N4BP1: variants seen among roughly 807,000 people sequenced by gnomAD.
The protein encoded by N4BP1 is NEDD4-binding protein 1.
A neutral mutation model predicts 70.9 loss-of-function variants in N4BP1; 21 were observed. That is an observed-to-expected ratio of 0.30 (90% CI 0.21 to 0.43). The LOEUF is 0.43. Ranked by LOEUF, N4BP1 falls within the 20% of genes least tolerant of loss-of-function variation. The probability of loss-of-function intolerance (pLI) is 1.00; values close to 1 mark genes in which losing one functional copy is unlikely to be tolerated. For missense variants in N4BP1, 936 were observed against 1,069.4 expected (o/e 0.88, Z 1.74); for synonymous variants, 387 against 394.6 (o/e 0.98, Z 0.23).
rs560718571 is a variant in N4BP1, at chr16:48,540,650, G to C, written c.*2254C>G. The stretch of plus-strand genomic sequence containing the variant: ...AACAGACATCCTCCCTGTTGAATGA[G>C]AGTGACATCTCTGCCCTGCCACCTA... On this transcript the variant is annotated 3_prime_UTR_variant, in exon 7 of 7. Coordinates refer to ENST00000262384, the MANE Select transcript of N4BP1 (RefSeq NM_153029.4). The C allele has an allele frequency of 6.6e-6, 1 of 152,380 alleles. No individual in the cohort carries two copies. Among genetic ancestry groups the C allele is most frequent in the East Asian group, 1.9e-4 (1 of 5,182 alleles). The allele number at this position is 152,380 out of a possible 1,614,324, so 9.4% of individuals were successfully genotyped here.
intron 2 of N4BP1, among the ~76,000 whole-genome samples, chr16:48,557,008 T>G (rs1466019273): frequency 1.1e-4 from 16 of 152,110 alleles, no homozygotes; most frequent in Non-Finnish European, 4.4e-5. Flanking sequence ...CAATTTCCAC[T>G]TACTCATCAT....
intron 2 of N4BP1, 129 bp from the exon 3 acceptor site, chr16:48,553,798 A>G: frequency 1.2e-6 from 1 of 834,622 alleles, no homozygotes; most frequent in South Asian, 2.5e-5. Context: ...ATATTCTTAC[A>G]TTTTTGGCAT....
At chr16:48,599,836 A>G (rs925505042) in intron 1 of N4BP1, among the ~76,000 whole-genome samples, 2 of 152,218 alleles carry the variant, frequency 1.3e-5, no homozygotes, top group East Asian at 3.9e-4. Context: ...TCCTTCTTAA[A>G]GGCCTGATGG....
At chr16:48,585,208 C>T (rs904354380) in intron 1 of N4BP1, among the ~76,000 whole-genome samples, 6 of 152,110 alleles carry the variant, frequency 3.9e-5, no homozygotes, top group Non-Finnish European at 8.8e-5. Context: ...GCTAGGATTA[C>T]AGGCGTGAGT....
At chr16:48,553,470 A>G (rs1021426048) in intron 3 of N4BP1, 69 bp downstream of exon 3, 6 of 1,441,186 alleles carry the variant, frequency 4.2e-6, no homozygotes, top group Middle Eastern at 1.8e-4. Context: ...TCTAAATAGC[A>G]TGTGTTGCAA....
intron 2 of N4BP1, among the ~76,000 whole-genome samples, chr16:48,558,888 T>C (rs1479323357): frequency 6.6e-6 from 1 of 152,266 alleles, no homozygotes; most frequent in East Asian, 1.9e-4. Flanking sequence ...AAGATAAGCA[T>C]ATTGCATATT....
At chr16:48,581,773 C>T (rs1597105381) in intron 1 of N4BP1, among the ~76,000 whole-genome samples, 1 of 152,082 alleles carries the variant, frequency 6.6e-6, no homozygotes, top group Non-Finnish European at 1.5e-5. Flanking sequence ...GATATTAGAT[C>T]CTTATCTCGC....
intron 1 of N4BP1, among the ~76,000 whole-genome samples, chr16:48,601,610 C>T (rs1964500634): frequency 6.6e-6 from 1 of 152,130 alleles, no homozygotes. Context: ...ATTCCTACAG[C>T]TCTTATTTAT....
chr16:48,566,310 GT>G (rs1254348517), intron 1 of N4BP1, among the ~76,000 whole-genome samples: 3 of 152,122 alleles, frequency 2.0e-5, no homozygotes, highest in Non-Finnish European at 2.9e-5. Context: ...CTCCCAAAGT[GT>G]TGGGATTTCA....
intron 1 of N4BP1, among the ~76,000 whole-genome samples, chr16:48,598,847 A>G (rs11076573): frequency 0.43 from 65,091 of 151,838 alleles, 15,612 homozygotes; most frequent in African/African-American, 0.65. Flanking sequence ...ATCCATTGGC[A>G]AAGAAAGCCC....
chr16:48,571,796 G>C (rs1964024350), intron 1 of N4BP1, among the ~76,000 whole-genome samples: 1 of 152,124 alleles, frequency 6.6e-6, no homozygotes, highest in South Asian at 2.1e-4. Flanking sequence ...GAAAAATAAG[G>C]AAAGAGGCCT....
At chr16:48,583,422 T>C (rs1964201039) in intron 1 of N4BP1, among the ~76,000 whole-genome samples, 1 of 152,184 alleles carries the variant, frequency 6.6e-6, no homozygotes, top group African/African-American at 2.4e-5. Flanking sequence ...ATTCTGGAGA[T>C]GTTGGTCAAA....
rs79762547 is a variant in N4BP1, at chr16:48,605,290, A to G, written c.198+4485T>C. Among the ~76,000 whole-genome samples the G allele has an allele frequency of 4.4e-3, 664 of 152,208 alleles. 3 individuals carry two copies. The highest frequency in any genetic ancestry group is 0.015 in the African/African-American group (632 of 41,532). On this transcript the variant is annotated intron_variant, in intron 1 of 6. Transcript: ENST00000262384. ...AGGTGATCAGACCACTCGGCATCCC[A>G]AAGTGTTGGGATTACACAGGCGTGA...
chr16:48,580,791 CT>C (rs1964164885), intron 1 of N4BP1, among the ~76,000 whole-genome samples: 1 of 152,126 alleles, frequency 6.6e-6, no homozygotes. Flanking sequence ...CATGTACAGA[CT>C]TTTTTCCTGT....
In N4BP1 at chr16:48,551,413, C is replaced by G; in HGVS notation, c.2090G>C (p.Gly697Ala). ...GTCATCATGAGAAGCAATTCTTTCT[C>G]CAAAGACCATCCGGGCAGGAGTTAA... ...LSLTPARMVF[G>A]ERIASHDDRF... is the part of the protein sequence containing the mutation. The change falls in exon 4 of 7, where the codon GGA becomes GCA. Residue 697 changes from glycine (G) to alanine (A), a missense_variant. By Grantham distance (60) the Gly-to-Ala change is moderately conservative. Transcript: ENST00000262384. The G allele has an allele frequency of 6.2e-7, 1 of 1,613,504 alleles. No individual in the cohort carries two copies. Among genetic ancestry groups the G allele is most frequent in the South Asian group, 1.1e-5 (1 of 91,066 alleles).
chr16:48,605,157 T>C (rs1964559564), intron 1 of N4BP1, among the ~76,000 whole-genome samples: 2 of 152,074 alleles, frequency 1.3e-5, no homozygotes, highest in South Asian at 4.1e-4. Flanking sequence ...CTCAGCCTCC[T>C]GAGTAGCTGG....
rs1429277977 is a variant in N4BP1 at position 48,561,217 on chromosome 16, C to T, written c.1426G>A (p.Gly476Ser). 6 of 1,613,810 alleles carry T rather than the reference C, an allele frequency of 3.7e-6. No individual in the cohort carries two copies. The highest frequency in any genetic ancestry group is 5.1e-6 in the Non-Finnish European group (6 of 1,179,874). The change falls in exon 2 of 7, where the codon GGT becomes AGT. Residue 476 changes from glycine (G) to serine (S), a missense_variant. Transcript: ENST00000262384. ...TTACAAATGTAGTTCTGGTTTGAAC[C>T]CCAGACTTCATGTTTCTGTTCTATT... ...VPIEQKHEVW[G>S]SNQNYICNTD...
chr16:48,597,089 C>G (rs1383131257), intron 1 of N4BP1, among the ~76,000 whole-genome samples: 1 of 152,176 alleles, frequency 6.6e-6, no homozygotes, highest in African/African-American at 2.4e-5. Flanking sequence ...TCCCAAGCCC[C>G]TACCTGCCAA....
chr16:48,605,571 T>A (rs890933378), intron 1 of N4BP1, among the ~76,000 whole-genome samples: 3 of 152,210 alleles, frequency 2.0e-5, no homozygotes, highest in African/African-American at 7.2e-5. Context: ...GGGCCCCCTA[T>A]GGACAATGCC....
Sources: allele counts gnomAD v4.1 joint callset (sites outside exome capture counted in the v4.1 genomes callset), GRCh38; gene constraint gnomAD v4.1.1; transcripts MANE v1.5; gene names NCBI Gene and HGNC (gene_info 2026-07-23, HGNC 2026-07-21).